FAM228B: variants seen among roughly 807,000 people sequenced by gnomAD.
The protein encoded by FAM228B is protein FAM228B.
FAM228B carries 38 observed loss-of-function variants against 42.6 expected under a neutral mutation model. The observed-to-expected ratio is 0.89, with a 90% CI of 0.69 to 1.17. The LOEUF (loss-of-function observed/expected upper bound fraction) is 1.17, where lower values mean the gene tolerates loss of function less well. FAM228B is among the 50% of genes most tolerant of loss of function. FAM228B has a pLI of 0.00. For synonymous variants in FAM228B, 109 were observed against 122.3 expected (o/e 0.89, Z 0.72); for missense variants, 344 against 367.3 (o/e 0.94, Z 0.52).
At chr2:24,158,525 A>G (rs1020721675) in intron 7 of FAM228B, among the ~76,000 whole-genome samples, 1 of 152,016 alleles carries the variant, frequency 6.6e-6, no homozygotes, top group Admixed American at 6.6e-5. Context: ...ATAGCTGAGG[A>G]GGGGGTGAGA....
chr2:24,087,580 A>G (rs1036507043), intron 2 of FAM228B, among the ~76,000 whole-genome samples: 1 of 152,034 alleles, frequency 6.6e-6, no homozygotes, highest in Non-Finnish European at 1.5e-5. Flanking sequence ...AAGGGGAAGC[A>G]GGGACTGGAG....
chr2:24,109,624 A>G (rs1449898358), intron 3 of FAM228B, among the ~76,000 whole-genome samples: 13 of 152,256 alleles, frequency 8.5e-5, no homozygotes, highest in Admixed American at 7.9e-4. Context: ...AAAGTGGGCA[A>G]AGAACATGAA....
intron 9 of FAM228B, chr2:24,166,071 A>ATATATATATATATATATG (rs1411263908): frequency 6.9e-6 from 1 of 145,192 alleles, no homozygotes; most frequent in Non-Finnish European, 1.5e-5. Flanking sequence ...ATATATATAT[A>ATATATATATATATATATG]TGTATGTATT....
At chr2:24,099,001 T>G (rs979510862) in intron 3 of FAM228B, among the ~76,000 whole-genome samples, 2 of 151,686 alleles carry the variant, frequency 1.3e-5, no homozygotes, top group Non-Finnish European at 3.0e-5. Flanking sequence ...TAAATGTAAT[T>G]CATCACATAA....
intron 5 of FAM228B, among the ~76,000 whole-genome samples, chr2:24,140,926 T>A (rs1002722433): frequency 4.7e-5 from 7 of 149,846 alleles, no homozygotes; most frequent in African/African-American, 1.7e-4. Context: ...TGAGTGTCAC[T>A]GCACTCCAGC....
chr2:24,112,486 G>A (rs6751414), intron 3 of FAM228B, among the ~76,000 whole-genome samples: 1 of 152,006 alleles, frequency 6.6e-6, no homozygotes, highest in Non-Finnish European at 1.5e-5. Flanking sequence ...TTTTTTAGTA[G>A]AGATGGGGTT....
chr2:24,077,882 T>A lies in FAM228B; in HGVS notation c.-290+913T>A. 1 of 1,047,190 alleles carries A rather than the reference T, an allele frequency of 9.5e-7. No homozygotes were observed. The highest frequency in any genetic ancestry group is 1.4e-6 in the Non-Finnish European group (1 of 720,920). 64.9% of individuals were successfully genotyped at this position (1,047,190 alleles called of 1,614,324 possible). ...ATCTGAAAAAGCACACAGGGACACTTAACCCCTCACTTCCTAGCATGTGTG... is the reference window on the plus strand; with the variant it reads ...ATCTGAAAAAGCACACAGGGACACTAAACCCCTCACTTCCTAGCATGTGTG... On this transcript the variant is annotated intron_variant, in intron 1 of 10. Transcript: ENST00000613899. The surrounding 1 kb of genome is among the most constrained non-coding windows in gnomAD (Gnocchi z 5.5).
chr2:24,122,430 G>T, upstream of FAM228B: 2 of 1,611,530 alleles, frequency 1.2e-6, no homozygotes, highest in Non-Finnish European at 1.7e-6. Context: ...TTGAAACCTG[G>T]TGATGCTACA....
intron 3 of FAM228B, among the ~76,000 whole-genome samples, chr2:24,101,719 T>C (rs867357203): frequency 5.3e-5 from 8 of 152,104 alleles, no homozygotes; most frequent in South Asian, 2.1e-4. Context: ...GTCTCGCACT[T>C]TCGCCCACGA....
chr2:24,135,059 C>G, intron 2 of FAM228B, 60 bp from the exon 3 acceptor site: 1 of 1,049,396 alleles, frequency 9.5e-7, no homozygotes, highest in Non-Finnish European at 1.4e-6. Flanking sequence ...TATAATGATT[C>G]CAGATAGCAC....
intron 3 of FAM228B, 96 bp downstream of exon 3, chr2:24,135,283 T>C (rs2151017931): frequency 5.6e-6 from 4 of 717,398 alleles, no homozygotes; most frequent in South Asian, 2.1e-5. Flanking sequence ...TTAGAAAATA[T>C]GGAAAAAAGA....
intron 2 of FAM228B, among the ~76,000 whole-genome samples, chr2:24,126,286 G>C (rs1300287895): frequency 6.6e-6 from 1 of 152,208 alleles, no homozygotes; most frequent in African/African-American, 2.4e-5. Context: ...CCCACTAGTA[G>C]TGTGTGAGAG....
chr2:24,096,048 T>C (rs1665491452), intron 3 of FAM228B: 1 of 152,126 alleles, frequency 6.6e-6, no homozygotes, highest in African/African-American at 2.4e-5. Flanking sequence ...ACCTGACAGT[T>C]AGAAGGAAAA....
chr2:24,137,083 G>A (rs1345616931), intron 3 of FAM228B, among the ~76,000 whole-genome samples: 1 of 152,172 alleles, frequency 6.6e-6, no homozygotes, highest in African/African-American at 2.4e-5. Flanking sequence ...GTACATCCAT[G>A]TTGTAGCATG....
intron 3 of FAM228B, among the ~76,000 whole-genome samples, chr2:24,115,989 G>T (rs1424145661): frequency 6.7e-6 from 1 of 150,366 alleles, no homozygotes; most frequent in African/African-American, 2.4e-5. Flanking sequence ...GAGAATAAAA[G>T]AAACTGCTGC....
upstream of FAM228B, chr2:24,123,395 C>G (rs550492862): frequency 6.6e-6 from 1 of 152,368 alleles, no homozygotes; most frequent in South Asian, 2.1e-4. Flanking sequence ...CAAACCAAGA[C>G]CCGCCACCTA....
rs773481761 is a variant in FAM228B, at chr2:24,084,375, G to GCAGGACAGGACAGGA, written c.-210+3424_-210+3425insACAGGACAGGACAGG. On this transcript the variant is annotated intron_variant, in intron 2 of 10. Transcript: ENST00000613899. This position sits in a 1 kb window ranked among gnomAD's most constrained non-coding sequence, Gnocchi z 8.4. ...GCAGGGCAGGACAGGACAGGGCAGG[G>GCAGGACAGGACAGGA]CAGGGCAGGACAGGACAGGGCAGGG... The GCAGGACAGGACAGGA allele has an allele frequency of 1.7e-5, 23 of 1,385,788 alleles. No individual in the cohort carries two copies. The South Asian group carries it at 2.7e-4, about 16-fold the overall frequency. The allele number at this position is 1,385,788 out of a possible 1,614,324, so 85.8% of individuals were successfully genotyped here.
chr2:24,123,623 G>C (rs1296037847), intron 1 of FAM228B, 90 bp downstream of exon 1: 4 of 151,950 alleles, frequency 2.6e-5, no homozygotes, highest in African/African-American at 9.7e-5. Flanking sequence ...GGCCGGGCCC[G>C]AGTGTGTAGC....
intron 7 of FAM228B, among the ~76,000 whole-genome samples, chr2:24,152,799 G>C (rs1245261449): frequency 2.0e-5 from 3 of 152,134 alleles, no homozygotes; most frequent in Admixed American, 6.5e-5. Context: ...CAGGTCCCAG[G>C]CATGTCCAGA....
Sources: allele counts gnomAD v4.1 joint callset (sites outside exome capture counted in the v4.1 genomes callset), GRCh38; gene constraint gnomAD v4.1.1; non-coding constraint Gnocchi (gnomAD v3.1); transcripts MANE v1.5; gene names NCBI Gene and HGNC (gene_info 2026-07-23, HGNC 2026-07-21).